Variants in KDM6A observed in about 807,000 individuals in gnomAD.
KDM6A encodes lysine-specific demethylase 6A.
In KDM6A, 11 loss-of-function variants were observed where a neutral mutation model predicts 117.6. The observed-to-expected ratio is 0.09, with a 90% confidence interval of 0.06 to 0.15. The LOEUF is 0.15. Ranked by LOEUF, KDM6A falls within the 10% of genes least tolerant of loss-of-function variation. The pLI is 1.00. For synonymous variants in KDM6A, 384 were observed against 396.1 expected (o/e 0.97, Z 0.36); for missense variants, 799 against 1,077.3 (o/e 0.74, Z 3.62).
chrX:45,053,188 C>T (rs1166136702), intron 9 of KDM6A, among the ~76,000 whole-genome samples: 1 of 111,578 alleles, frequency 9.0e-6, no homozygotes, highest in African/African-American at 3.3e-5. Flanking sequence ...AATCCCAGCA[C>T]TTTGGGAGGT....
At chrX:45,104,934 C>CT (rs767092191) in intron 27 of KDM6A, among the ~76,000 whole-genome samples, 1 of 111,512 alleles carries the variant, frequency 9.0e-6, no homozygotes, top group East Asian at 2.8e-4. Flanking sequence ...AGTATACTGC[C>CT]TTTTTTAAGA....
intron 8 of KDM6A, among the ~76,000 whole-genome samples, chrX:45,044,765 A>T (rs1265484948): frequency 8.9e-6 from 1 of 111,881 alleles, no homozygotes; most frequent in East Asian, 2.8e-4. Context: ...ATAGATGTAC[A>T]GTTAACTAAT....
chrX:44,912,426 C>A (rs958095176), intron 2 of KDM6A, among the ~76,000 whole-genome samples: 1 of 111,910 alleles, frequency 8.9e-6, no homozygotes, highest in Non-Finnish European at 1.9e-5. Flanking sequence ...TTAGAATTTT[C>A]TTTTCCAATC....
chrX:44,990,582 A>ATAAAT (rs971974831), intron 4 of KDM6A, among the ~76,000 whole-genome samples: 5 of 110,636 alleles, frequency 4.5e-5, no homozygotes, highest in African/African-American at 1.6e-4. Flanking sequence ...AAATAAATAA[A>ATAAAT]TAAATAAAAG....
At chrX:44,886,207 G>A (rs1157527765) in intron 2 of KDM6A, among the ~76,000 whole-genome samples, 3 of 106,281 alleles carry the variant, frequency 2.8e-5, no homozygotes, top group African/African-American at 1.0e-4. Context: ...ACAGGAATGC[G>A]CCACCCTGCC....
chrX:45,106,635 A>G, intron 27 of KDM6A: 1 of 342,933 alleles, frequency 2.9e-6, no homozygotes, highest in South Asian at 2.6e-5. Flanking sequence ...CTGAGCCACT[A>G]AGATTCACAG....
At chrX:45,005,187 G>T (rs1457720756) in intron 4 of KDM6A, among the ~76,000 whole-genome samples, 1 of 110,318 alleles carries the variant, frequency 9.1e-6, no homozygotes, top group Non-Finnish European at 1.9e-5. Context: ...CTGGTGGGAC[G>T]GTAATTCCCA....
chrX:45,074,941 C>G (rs908031736), intron 18 of KDM6A, among the ~76,000 whole-genome samples: 3 of 111,758 alleles, frequency 2.7e-5, no homozygotes, highest in Admixed American at 9.5e-5. Context: ...TTTCTAGTCT[C>G]ATCTCTCAAT....
chrX:45,099,323 C>A (rs2046241261), intron 27 of KDM6A, among the ~76,000 whole-genome samples: 1 of 108,835 alleles, frequency 9.2e-6, no homozygotes, highest in Non-Finnish European at 1.9e-5. Flanking sequence ...ACTTGCCTCT[C>A]CCTATTGAAT....
intron 27 of KDM6A, among the ~76,000 whole-genome samples, chrX:45,097,352 T>TA (rs932518741): frequency 9.0e-6 from 1 of 111,060 alleles, no homozygotes; most frequent in African/African-American, 3.3e-5. Context: ...ACTTAAAAGT[T>TA]AAAAAAAAGA....
intron 2 of KDM6A, among the ~76,000 whole-genome samples, chrX:44,913,500 A>G (rs898877525): frequency 1.3e-4 from 14 of 108,766 alleles, no homozygotes; most frequent in Admixed American, 1.3e-3. Flanking sequence ...ACTGGGTTTC[A>G]CCATGTTGGC....
chrX:45,099,706 G>A (rs2046260327), intron 27 of KDM6A, among the ~76,000 whole-genome samples: 1 of 111,838 alleles, frequency 8.9e-6, no homozygotes, highest in African/African-American at 3.3e-5. Flanking sequence ...TTTTTATCCT[G>A]TGGCTTTAAT....
rs145716213 is a variant in KDM6A at position 45,014,820 on chromosome X, C to T, written c.443+3801C>T. Among the ~76,000 whole-genome samples, 193 of 112,249 alleles carry T rather than the reference C, an allele frequency of 1.7e-3. 1 individual carries two copies. Among genetic ancestry groups the T allele is most frequent in the African/African-American group, 5.8e-3 (180 of 30,913 alleles). ...CTTCCTAAGAATCCTTATTAACTAT[C>T]TCTGTCCTGTAACCTTTTTCCTTCT... On this transcript the variant is annotated intron_variant, in intron 5 of 29. Coordinates refer to ENST00000611820, the MANE Select transcript of KDM6A (RefSeq NM_001291415.2).
rs777854017 is a variant in KDM6A at position 44,887,025 on chromosome X, C to G, written c.225+13038C>G. Among the ~76,000 whole-genome samples the G allele has an allele frequency of 5.6e-5, 6 of 106,406 alleles. No individual in the cohort carries two copies. In the East Asian group the frequency reaches 1.8e-3, roughly 32 times the overall value. 92.4% of individuals were successfully genotyped at this position (106,406 alleles called of 115,157 possible). On this transcript the variant is annotated intron_variant, in intron 2 of 29. Transcript: ENST00000611820. ...CCTTGGCTCACTGCAGCCTCCGCCT[C>G]CCAGGTTCAGCCTCAGCCTCCCGAG... is the stretch of plus-strand genomic sequence containing the variant.
At chrX:45,042,613 A>C (rs749236643) in intron 8 of KDM6A, among the ~76,000 whole-genome samples, 2 of 111,512 alleles carry the variant, frequency 1.8e-5, no homozygotes, top group African/African-American at 3.3e-5. Context: ...CTGCTAGGTA[A>C]ACAATAGTTC....
At chrX:44,905,071 T>G (rs2034565050) in intron 2 of KDM6A, among the ~76,000 whole-genome samples, 1 of 112,485 alleles carries the variant, frequency 8.9e-6, no homozygotes, top group African/African-American at 3.2e-5. Context: ...ATCTTTCAGT[T>G]CAAATTCAGG....
In KDM6A at chrX:45,099,164, C is replaced by T. The variant is rs139800958; in HGVS notation, c.4035-8246C>T. 8.6e-3 allele frequency among the ~76,000 whole-genome samples: 953 copies of T among 111,224 alleles called. 11 individuals are homozygous for T. The highest frequency in any genetic ancestry group is 0.03 in the African/African-American group (915 of 30,565). ...GACATATCACTTCAGATACTTCATCCTGCATCTTAAGAATAAGGTTATTCT... is the reference window on the plus strand; with the variant it reads ...GACATATCACTTCAGATACTTCATCTTGCATCTTAAGAATAAGGTTATTCT... On this transcript the variant is annotated intron_variant, in intron 27 of 29. Transcript: ENST00000611820.
intron 18 of KDM6A, among the ~76,000 whole-genome samples, chrX:45,071,498 G>C (rs1310677590): frequency 9.0e-6 from 1 of 111,273 alleles, no homozygotes; most frequent in Non-Finnish European, 1.9e-5. Flanking sequence ...AGGTATCCTG[G>C]GTCTACCGTT....
At chrX:45,055,455 G>T (rs2044032024) in intron 10 of KDM6A, among the ~76,000 whole-genome samples, 1 of 111,172 alleles carries the variant, frequency 9.0e-6, no homozygotes, top group African/African-American at 3.3e-5. Context: ...CTAATTTTTG[G>T]TGAGGATTTC....
Sources: allele counts gnomAD v4.1 joint callset (sites outside exome capture counted in the v4.1 genomes callset), GRCh38; gene constraint gnomAD v4.1.1; transcripts MANE v1.5; gene names NCBI Gene and HGNC (gene_info 2026-07-23, HGNC 2026-07-21).